Variants in PDE4DIP observed in about 807,000 individuals in gnomAD.
PDE4DIP encodes myomegalin.
Under a neutral mutation model 221.4 loss-of-function variants are expected in PDE4DIP, and 59 were observed. The observed-to-expected ratio is 0.27, with a 90% confidence interval of 0.22 to 0.33. The LOEUF is 0.33. Among genes scored for constraint, PDE4DIP ranks in the 10% least tolerant of loss-of-function variants. The pLI is 1.00. For synonymous variants in PDE4DIP, 404 were observed against 815.9 expected (o/e 0.50, Z 8.60); for missense variants, 1,036 against 2,154.2 (o/e 0.48, Z 10.28).
At chr1:148,820,929 C>A (rs1447634660) in intron 1 of PDE4DIP, among the ~76,000 whole-genome samples, 4 of 149,094 alleles carry the variant, frequency 2.7e-5, no homozygotes, top group Admixed American at 2.7e-4. Context: ...CGGCTCACTG[C>A]AGGCTCCGCC....
In PDE4DIP at chr1:148,979,628, T is replaced by G. The variant is rs1226798597; in HGVS notation, c.2575-109T>G. 5 of 925,498 alleles carry G rather than the reference T, an allele frequency of 5.4e-6. No homozygotes were observed. In the African/African-American group the frequency reaches 8.3e-5, roughly 15 times the overall value. 57.3% of individuals were successfully genotyped at this position (925,498 alleles called of 1,614,324 possible). A position where few individuals can be genotyped will look rare whatever the true frequency, so the allele number is the denominator to read the frequency against. On this transcript the variant is annotated intron_variant, in intron 19 of 43. Coordinates refer to ENST00000369354, the Ensembl canonical transcript of PDE4DIP. ...AAAATAGTATCAAAAGCTTAAGTAC[T>G]AAGATAGTGGGCTTTTTAAGTCATA... is the stretch of plus-strand genomic sequence containing the variant.
chr1:149,009,995 C>T (rs587613764), intron 30 of PDE4DIP, among the ~76,000 whole-genome samples: 2 of 152,302 alleles, frequency 1.3e-5, no homozygotes, highest in African/African-American at 2.4e-5. Flanking sequence ...TCCATGGGCA[C>T]GTACAAGCTG....
At chr1:148,927,217 A>T (rs2046911099) in intron 1 of PDE4DIP, among the ~76,000 whole-genome samples, 1 of 152,016 alleles carries the variant, frequency 6.6e-6, no homozygotes, top group Non-Finnish European at 1.5e-5. Context: ...TCCTGAAAAG[A>T]CAGGGCTATC....
chr1:149,029,272 C>T (rs2076031591), intron 41 of PDE4DIP, among the ~76,000 whole-genome samples: 1 of 152,188 alleles, frequency 6.6e-6, no homozygotes, highest in Admixed American at 6.5e-5. Context: ...TCAGGATCCC[C>T]TCCCCAGGGA....
intron 1 of PDE4DIP, among the ~76,000 whole-genome samples, chr1:148,913,828 C>T (rs1169830730): frequency 8.0e-6 from 1 of 124,484 alleles, no homozygotes; most frequent in African/African-American, 3.7e-5. Context: ...GATGGAGTTG[C>T]CATAACTGAG....
intron 1 of PDE4DIP, among the ~76,000 whole-genome samples, chr1:148,924,435 G>A (rs1553464425): frequency 6.6e-6 from 1 of 152,038 alleles, no homozygotes; most frequent in Non-Finnish European, 1.5e-5. Context: ...TCGTTAAAAG[G>A]TTTTTTCTTT....
chr1:148,953,152 A>G, intron 5 of PDE4DIP: 4 of 1,614,090 alleles, frequency 2.5e-6, no homozygotes, highest in Non-Finnish European at 3.4e-6. Context: ...CCGATGCGAG[A>G]TACTCTGCAC....
At chr1:149,001,138 GTTAT>G (rs2065564624) in intron 23 of PDE4DIP, among the ~76,000 whole-genome samples, 2 of 152,298 alleles carry the variant, frequency 1.3e-5, no homozygotes, top group African/African-American at 2.4e-5. Context: ...TCTGATTAGT[GTTAT>G]TTATTTATTC....
At chr1:148,924,620 ATACCTAATAGAAGTT>A (rs2046295026) in intron 1 of PDE4DIP, among the ~76,000 whole-genome samples, 1 of 149,004 alleles carries the variant, frequency 6.7e-6, no homozygotes, top group Non-Finnish European at 1.5e-5. Context: ...GAAGGAAGAA[ATACCTAATAGAAGTT>A]TAATTTCAGC....
intron 5 of PDE4DIP, chr1:148,952,041 G>T (rs1290040446): frequency 9.9e-7 from 1 of 1,009,348 alleles, no homozygotes; most frequent in Non-Finnish European, 1.2e-6. Context: ...GCCGGAGGAC[G>T]TGGCACTGTC....
At chr1:148,924,346 A>G (rs1278286198) in intron 1 of PDE4DIP, among the ~76,000 whole-genome samples, 1 of 152,222 alleles carries the variant, frequency 6.6e-6, no homozygotes, top group African/African-American at 2.4e-5. Flanking sequence ...AAAGCTGGAG[A>G]GGTAGATTGA....
intron 21 of PDE4DIP, among the ~76,000 whole-genome samples, chr1:148,989,853 GT>G (rs1433305786): frequency 6.6e-6 from 1 of 152,156 alleles, no homozygotes; most frequent in African/African-American, 2.4e-5. Context: ...TAGTATCCTG[GT>G]TTTCAGTAGG....
At chr1:148,964,111 C>CTTT (rs2057664910) in intron 9 of PDE4DIP, among the ~76,000 whole-genome samples, 2 of 117,316 alleles carry the variant, frequency 1.7e-5, no homozygotes, top group Admixed American at 8.8e-5. Context: ...TTCTTTCTTT[C>CTTT]ATTTTTTTTT....
intron 17 of PDE4DIP, 82 bp from the exon 21 acceptor site, chr1:148,977,855 G>A: frequency 6.4e-7 from 1 of 1,560,074 alleles, no homozygotes; most frequent in Non-Finnish European, 8.7e-7. Flanking sequence ...TCCATTACTG[G>A]CTGATAGTAA....
At position 149,024,435 on chromosome 1, in the gene PDE4DIP, T is replaced by C. The variant is rs587750063; in HGVS notation, c.6086-10T>C. On this transcript the variant is annotated splice_polypyrimidine_tract_variant and intron_variant, in intron 37 of 43. Coordinates refer to ENST00000369354, the Ensembl canonical transcript of PDE4DIP. ...CTTGGGTCAATGTTACCAGACTCCTTCTCTCTCAGCTTACAGCCTGGATGC... is the reference window on the plus strand; with the variant it reads ...CTTGGGTCAATGTTACCAGACTCCTCCTCTCTCAGCTTACAGCCTGGATGC... The C allele has an allele frequency of 1.0e-5, 16 of 1,567,074 alleles. No individual in the cohort carries two copies. The Admixed American group carries it at 2.4e-4, about 23-fold the overall frequency.
Position 148,971,526 on chromosome 1 carries a change from T to G in PDE4DIP, c.1981-654T>G, listed in dbSNP as rs1274954702. Among the ~76,000 whole-genome samples, 4 of 152,200 alleles carry G rather than the reference T, an allele frequency of 2.6e-5. No individual in the cohort carries two copies. The East Asian group carries it at 7.7e-4, about 29-fold the overall frequency. The stretch of plus-strand genomic sequence containing the variant: ...CATGATGTGTTGATATACATATACA[T>G]TTTGAAGTGATTGCCACAAATTAAC... On this transcript the variant is annotated intron_variant, in intron 14 of 43. Coordinates refer to ENST00000369354, the Ensembl canonical transcript of PDE4DIP.
chr1:148,824,435 G>C (rs1164839628), intron 1 of PDE4DIP, among the ~76,000 whole-genome samples: 1 of 137,842 alleles, frequency 7.3e-6, no homozygotes, highest in African/African-American at 2.8e-5. Flanking sequence ...ATCTAATCTC[G>C]GAAGCAACAT....
At chr1:148,934,735 C>G (rs2048817259) in intron 4 of PDE4DIP, among the ~76,000 whole-genome samples, 2 of 151,970 alleles carry the variant, frequency 1.3e-5, no homozygotes, top group Non-Finnish European at 2.9e-5. Context: ...TCCCGAGTAG[C>G]TGGGATTACA....
At position 148,929,158 on chromosome 1, in the gene PDE4DIP, G is replaced by C. The variant is rs781967384; in HGVS notation, c.142-39G>C. 1.9e-6 allele frequency: 3 copies of C among 1,607,436 alleles called. No individual in the cohort carries two copies. The South Asian group carries it at 3.3e-5, about 18-fold the overall frequency. On this transcript the variant is annotated intron_variant, in intron 1 of 43. Transcript: ENST00000369354. Reference sequence around the variant, plus strand: ...AACCTGGATCCAGGAAAGAGTGTCTGTGGCAGTTAATAACGATTAATGCCT... The same window carrying C: ...AACCTGGATCCAGGAAAGAGTGTCTCTGGCAGTTAATAACGATTAATGCCT...
Sources: gnomAD v4.1 joint callset for allele counts (sites outside exome capture counted in the v4.1 genomes callset) on GRCh38, gnomAD v4.1.1 for gene constraint, MANE v1.5 for transcripts, NCBI Gene and HGNC (gene_info 2026-07-23, HGNC 2026-07-21) for gene names.